ZNF385D: variants seen among roughly 807,000 people sequenced by gnomAD.
ZNF385D encodes zinc finger protein 385D, also known as zinc finger protein 659.
A neutral mutation model predicts 35.8 loss-of-function variants in ZNF385D; 15 were observed. The observed-to-expected ratio is 0.42, with a 90% CI of 0.28 to 0.64. The LOEUF (loss-of-function observed/expected upper bound fraction) is 0.64, where lower values mean the gene tolerates loss of function less well. ZNF385D is among the 30% of genes least tolerant of loss of function. ZNF385D has a pLI of 0.23. For missense variants in ZNF385D, 474 were observed against 494.6 expected (o/e 0.96, Z 0.39); for synonymous variants, 212 against 186.8 (o/e 1.13, Z -1.10).
chr3:22,092,911 C>G (rs746370869), intron 3 of ZNF385D, among the ~76,000 whole-genome samples: 2 of 152,080 alleles, frequency 1.3e-5, no homozygotes, highest in Non-Finnish European at 2.9e-5. Flanking sequence ...TATAACTCAT[C>G]TATTCTTGAA....
intron 3 of ZNF385D, among the ~76,000 whole-genome samples, chr3:22,007,385 CT>C (rs1696276578): frequency 6.6e-6 from 1 of 152,128 alleles, no homozygotes; most frequent in African/African-American, 2.4e-5. Context: ...TCAAATCAGA[CT>C]TTTATGGATA....
At chr3:21,421,999 A>G (rs569946935) in intron 7 of ZNF385D, among the ~76,000 whole-genome samples, 15 of 152,302 alleles carry the variant, frequency 9.8e-5, no homozygotes, top group African/African-American at 3.6e-4. Flanking sequence ...AAATTTTGAC[A>G]CGTTCCACTT....
At chr3:22,099,449 G>A (rs571452036) in intron 3 of ZNF385D, among the ~76,000 whole-genome samples, 3 of 152,150 alleles carry the variant, frequency 2.0e-5, no homozygotes, top group Admixed American at 6.6e-5. Context: ...ATTGCATTAA[G>A]CAATGTTCTC....
rs560441046 is a variant in ZNF385D, at chr3:21,834,046, A to G, written c.326-169018T>C. Among the ~76,000 whole-genome samples the G allele has an allele frequency of 4.6e-5, 7 of 152,264 alleles. No homozygotes were observed. The East Asian group carries it at 9.7e-4, about 21-fold the overall frequency. Reference sequence around the variant, plus strand: ...AATTAATACACGTAAAATATTTTATATATGTGACCTTTGATAGTTAAACAA... The same window carrying G: ...AATTAATACACGTAAAATATTTTATGTATGTGACCTTTGATAGTTAAACAA... On this transcript the variant is annotated intron_variant, in intron 3 of 5. Coordinates refer to the ZNF385D transcript ENST00000494108.
At chr3:22,294,488 A>G (rs1238124178) in intron 2 of ZNF385D, among the ~76,000 whole-genome samples, 2 of 152,144 alleles carry the variant, frequency 1.3e-5, no homozygotes, top group African/African-American at 4.8e-5. Context: ...TGGGTATTAT[A>G]TATCAGTATG....
intron 2 of ZNF385D, among the ~76,000 whole-genome samples, chr3:22,219,600 G>A (rs758141168): frequency 4.8e-4 from 73 of 152,074 alleles, no homozygotes; most frequent in Admixed American, 2.3e-3. Context: ...AAACCCGTAG[G>A]ACTAGATGTG....
At chr3:22,314,854 G>T (rs1703797013) in intron 2 of ZNF385D, among the ~76,000 whole-genome samples, 1 of 152,072 alleles carries the variant, frequency 6.6e-6, no homozygotes, top group Non-Finnish European at 1.5e-5. Context: ...GTCAGGACAG[G>T]GTCAGCCCCC....
intron 3 of ZNF385D, among the ~76,000 whole-genome samples, chr3:21,795,549 T>G (rs1317550686): frequency 6.6e-6 from 1 of 152,166 alleles, no homozygotes; most frequent in African/African-American, 2.4e-5. Context: ...AAATAAAAAT[T>G]TTTAAAAATC....
intron 3 of ZNF385D, among the ~76,000 whole-genome samples, chr3:21,521,984 A>G (rs577385101): frequency 2.0e-4 from 30 of 152,272 alleles, no homozygotes; most frequent in African/African-American, 7.0e-4. Flanking sequence ...GCTTCTTGGG[A>G]TAGAATAGGG....
At chr3:22,369,116 G>A (rs1474900693) in intron 2 of ZNF385D, among the ~76,000 whole-genome samples, 1 of 152,100 alleles carries the variant, frequency 6.6e-6, no homozygotes, top group Non-Finnish European at 1.5e-5. Context: ...TCTACCTTGA[G>A]TTCCAAGCTC....
intron 2 of ZNF385D, among the ~76,000 whole-genome samples, chr3:22,279,549 CAT>C (rs1359434284): frequency 2.1e-4 from 28 of 135,818 alleles, no homozygotes; most frequent in Admixed American, 1.9e-3. Flanking sequence ...TATGTATATA[CAT>C]ATACATATGT....
intron 3 of ZNF385D, among the ~76,000 whole-genome samples, chr3:21,907,349 T>C (rs529148816): frequency 8.3e-4 from 127 of 152,284 alleles, no homozygotes; most frequent in African/African-American, 3.0e-3. Flanking sequence ...CAAATATAAA[T>C]TGTTACTATA....
At chr3:21,644,554 G>A (rs565161020) in intron 2 of ZNF385D, among the ~76,000 whole-genome samples, 13 of 152,238 alleles carry the variant, frequency 8.5e-5, no homozygotes, top group Non-Finnish European at 1.5e-4. Flanking sequence ...TCCACACAGT[G>A]GCCCTGGCCA....
intron 3 of ZNF385D, among the ~76,000 whole-genome samples, chr3:22,067,441 G>T (rs1317331751): frequency 6.6e-5 from 10 of 152,212 alleles, no homozygotes; most frequent in African/African-American, 2.2e-4. Flanking sequence ...AACAGATAAT[G>T]AAGTCACTAT....
chr3:21,698,921 A>C (rs1240923555), intron 1 of ZNF385D, among the ~76,000 whole-genome samples: 1 of 152,198 alleles, frequency 6.6e-6, no homozygotes, highest in Non-Finnish European at 1.5e-5. Context: ...ACCACTGTGG[A>C]AGACGCTGTG....
intron 3 of ZNF385D, among the ~76,000 whole-genome samples, chr3:21,804,034 C>A (rs2125691372): frequency 6.6e-6 from 1 of 152,290 alleles, no homozygotes; most frequent in South Asian, 2.1e-4. Context: ...TATCTCAACT[C>A]ATCCAAAACC....
intron 2 of ZNF385D, among the ~76,000 whole-genome samples, chr3:22,258,943 T>C (rs965109377): frequency 6.6e-6 from 1 of 151,836 alleles, no homozygotes; most frequent in Non-Finnish European, 1.5e-5. Context: ...AGGGCATGTA[T>C]TGGACCAGGA....
At chr3:22,108,191 C>T (rs913900279) in intron 3 of ZNF385D, among the ~76,000 whole-genome samples, 1 of 152,080 alleles carries the variant, frequency 6.6e-6, no homozygotes, top group Admixed American at 6.6e-5. Context: ...ATTTGTATGT[C>T]TGCATACATA....
At chr3:22,048,377 AG>A (rs1439260310) in intron 3 of ZNF385D, among the ~76,000 whole-genome samples, 4 of 152,138 alleles carry the variant, frequency 2.6e-5, no homozygotes, top group African/African-American at 9.7e-5. Context: ...TTATAGATCC[AG>A]GTCTTATATT....
Sources: allele counts gnomAD v4.1 joint callset (sites outside exome capture counted in the v4.1 genomes callset), GRCh38; gene constraint gnomAD v4.1.1; transcripts MANE v1.5; gene names NCBI Gene and HGNC (gene_info 2026-07-23, HGNC 2026-07-21).